TRPC5: variants seen among roughly 807,000 people sequenced by gnomAD.
TRPC5 encodes transient receptor potential cation channel subfamily C member 5, also known as short transient receptor potential channel 5.
Under a neutral mutation model 56.5 loss-of-function variants are expected in TRPC5, and 9 were observed. That is an observed-to-expected ratio of 0.16 (90% CI 0.10 to 0.28). TRPC5 has a LOEUF of 0.28. Among genes scored for constraint, TRPC5 ranks in the 10% least tolerant of loss-of-function variants. TRPC5 has a pLI of 1.00. For missense variants in TRPC5, 469 were observed against 748.9 expected (o/e 0.63, Z 4.36); for synonymous variants, 282 against 278.5 (o/e 1.01, Z -0.13).
chrX:111,824,095 G>A (rs1326628304), intron 7 of TRPC5, among the ~76,000 whole-genome samples: 1 of 110,009 alleles, frequency 9.1e-6, no homozygotes, highest in East Asian at 2.8e-4. Flanking sequence ...GCTGGGCATG[G>A]TGGCTTGCAC....
At chrX:112,035,093 A>G (rs868626494) in intron 1 of TRPC5, among the ~76,000 whole-genome samples, 1 of 104,279 alleles carries the variant, frequency 9.6e-6, no homozygotes, top group Non-Finnish European at 1.9e-5. Context: ...TTTTTTTAAA[A>G]AAAAAAAAAT....
At chrX:111,907,850 T>G (rs1925682976) in intron 3 of TRPC5, among the ~76,000 whole-genome samples, 1 of 110,480 alleles carries the variant, frequency 9.1e-6, no homozygotes. Flanking sequence ...TGTGTGAGTG[T>G]TTCATTTTTT....
chrX:111,795,571 TA>T (rs1049842366), intron 7 of TRPC5, among the ~76,000 whole-genome samples: 1 of 110,327 alleles, frequency 9.1e-6, no homozygotes, highest in Non-Finnish European at 1.9e-5. Flanking sequence ...GGTTTCTGAT[TA>T]AAAAAAAATT....
At chrX:112,060,940 A>G (rs769372308) in intron 1 of TRPC5, among the ~76,000 whole-genome samples, 1 of 112,368 alleles carries the variant, frequency 8.9e-6, no homozygotes, top group African/African-American at 3.2e-5. Context: ...GGACTCTTAG[A>G]TGAAAATGCC....
intron 7 of TRPC5, among the ~76,000 whole-genome samples, chrX:111,805,911 G>A (rs920076423): frequency 5.4e-5 from 6 of 110,715 alleles, no homozygotes; most frequent in Non-Finnish European, 7.5e-5. Flanking sequence ...GAGCTCAAGC[G>A]ATCTGCCCAC....
At chrX:111,985,969 G>C (rs1928200531) in intron 1 of TRPC5, among the ~76,000 whole-genome samples, 2 of 111,900 alleles carry the variant, frequency 1.8e-5, no homozygotes, top group Non-Finnish European at 3.8e-5. Flanking sequence ...CTGGCCTACA[G>C]AGAAGAGCAA....
rs758683447 is a variant in TRPC5 at position 111,805,646 on chromosome X, A to ATATC, written c.1897-23512_1897-23509dup. 1.0e-2 allele frequency among the ~76,000 whole-genome samples: 1,109 copies of ATATC among 111,451 alleles called. 6 individuals carry two copies. The highest frequency in any genetic ancestry group is 0.023 in the African/African-American group (698 of 30,626). On this transcript the variant is annotated intron_variant, in intron 7 of 10. Transcript: ENST00000262839. ...TTATGCCAGTTAGGCTAAATTACAG[A>ATATC]TATCTATCTATCTATCTATCTATCT... is the stretch of plus-strand genomic sequence containing the variant.
intron 1 of TRPC5, among the ~76,000 whole-genome samples, chrX:112,071,994 T>TG (rs1203564007): frequency 8.9e-6 from 1 of 112,504 alleles, no homozygotes; most frequent in Non-Finnish European, 1.9e-5. Flanking sequence ...TATTCTCTTC[T>TG]GAAAGATTCT....
intron 1 of TRPC5, among the ~76,000 whole-genome samples, chrX:112,072,860 A>G (rs1185590121): frequency 1.8e-5 from 2 of 111,539 alleles, no homozygotes; most frequent in Non-Finnish European, 3.8e-5. Context: ...ACCTTTGATC[A>G]TATAATTCTT....
intron 3 of TRPC5, among the ~76,000 whole-genome samples, chrX:111,861,033 A>G (rs1332290573): frequency 8.9e-6 from 1 of 112,344 alleles, no homozygotes; most frequent in Non-Finnish European, 1.9e-5. Flanking sequence ...TGAGATAACA[A>G]TCTGGAAAAC....
At chrX:111,911,304 G>A (rs1436063133) in intron 3 of TRPC5, among the ~76,000 whole-genome samples, 1 of 112,434 alleles carries the variant, frequency 8.9e-6, no homozygotes, top group Non-Finnish European at 1.9e-5. Flanking sequence ...AGCACTTCTG[G>A]TGCCATGCAC....
intron 1 of TRPC5, among the ~76,000 whole-genome samples, chrX:112,054,079 A>T (rs1930282607): frequency 8.9e-6 from 1 of 112,129 alleles, no homozygotes; most frequent in Non-Finnish European, 1.9e-5. Context: ...TTCAAATGTG[A>T]TCTTTTTCTT....
At chrX:111,821,781 T>C (rs768964606) in intron 7 of TRPC5, among the ~76,000 whole-genome samples, 3 of 112,381 alleles carry the variant, frequency 2.7e-5, no homozygotes, top group South Asian at 3.7e-4. Context: ...ACAATGACCT[T>C]TGGGCCATGG....
At chrX:111,992,398 T>A (rs1055355800) in intron 1 of TRPC5, among the ~76,000 whole-genome samples, 3 of 111,456 alleles carry the variant, frequency 2.7e-5, no homozygotes, top group Non-Finnish European at 3.8e-5. Flanking sequence ...ATACATTTTT[T>A]AAAATTGCAT....
chrX:111,977,297 G>A (rs893075677), intron 1 of TRPC5, among the ~76,000 whole-genome samples: 1 of 111,215 alleles, frequency 9.0e-6, no homozygotes, highest in African/African-American at 3.3e-5. Flanking sequence ...CCGATCAATA[G>A]AATAGAACAG....
chrX:111,928,892 C>T (rs1926331988), intron 2 of TRPC5, among the ~76,000 whole-genome samples: 1 of 112,281 alleles, frequency 8.9e-6, no homozygotes, highest in Admixed American at 9.5e-5. Flanking sequence ...ACTTGCAAAA[C>T]ATGTCCATCT....
intron 1 of TRPC5, among the ~76,000 whole-genome samples, chrX:112,060,671 TC>T (rs1930439668): frequency 9.0e-6 from 1 of 111,581 alleles, no homozygotes; most frequent in Admixed American, 9.5e-5. Flanking sequence ...TATCATCACT[TC>T]CCAAGCGAAG....
chrX:111,847,071 C>CA (rs200604504), intron 6 of TRPC5, 43 bp downstream of exon 6: 26,375 of 806,699 alleles, frequency 0.033, 84 homozygotes, highest in Admixed American at 0.037. Context: ...GAAAAAATGG[C>CA]AAAAAAAAAA....
At chrX:112,001,848 G>A (rs183214236) in intron 1 of TRPC5, among the ~76,000 whole-genome samples, 1 of 112,211 alleles carries the variant, frequency 8.9e-6, no homozygotes, top group Non-Finnish European at 1.9e-5. Context: ...ACATAAAACA[G>A]TACTTGGCAC....
Sources: allele counts gnomAD v4.1 joint callset (sites outside exome capture counted in the v4.1 genomes callset), GRCh38; gene constraint gnomAD v4.1.1; transcripts MANE v1.5; gene names NCBI Gene and HGNC (gene_info 2026-07-23, HGNC 2026-07-21).